MICAL2: variants seen among roughly 807,000 people sequenced by gnomAD.
MICAL2 encodes [F-actin]-monooxygenase MICAL2.
In MICAL2, 77 loss-of-function variants were observed where a neutral mutation model predicts 127.3. That is an observed-to-expected ratio of 0.60 (90% CI 0.50 to 0.73). The LOEUF is 0.73. MICAL2 is among the 30% of genes least tolerant of loss of function. The pLI is 0.00. For synonymous variants in MICAL2, 570 were observed against 551.1 expected, an observed-to-expected ratio of 1.03 and a Z score of -0.48; for missense variants, 1,351 against 1,434.4, an observed-to-expected ratio of 0.94 and a Z score of 0.94.
At chr11:12,175,121 T>TA (rs57068512) in intron 3 of MICAL2, among the ~76,000 whole-genome samples, 3,319 of 145,820 alleles carry the variant, frequency 0.023, 86 homozygotes, top group African/African-American at 0.059. Flanking sequence ...AGACTCTGCT[T>TA]AAAAAAAAAA....
intron 1 of MICAL2, among the ~76,000 whole-genome samples, chr11:12,280,603 G>T (rs1352850237): frequency 1.3e-5 from 2 of 152,200 alleles, no homozygotes; most frequent in African/African-American, 4.8e-5. Context: ...GTGCCTGTGT[G>T]TGTCCACATT....
chr11:12,220,607 A>T, intron 9 of MICAL2, 149 bp downstream of exon 9: 1 of 1,161,642 alleles, frequency 8.6e-7, no homozygotes. Context: ...CCGGCCTCAG[A>T]GCCTGTCCTG....
downstream of MICAL2, among the ~76,000 whole-genome samples, chr11:12,293,333 G>C (rs3812750): frequency 3.3e-5 from 5 of 152,014 alleles, no homozygotes; most frequent in Non-Finnish European, 7.4e-5. Context: ...AAAGCCTTTC[G>C]TCAGTACTGA....
intron 2 of MICAL2, among the ~76,000 whole-genome samples, chr11:12,145,937 C>T (rs1354473029): frequency 6.6e-6 from 1 of 152,162 alleles, no homozygotes; most frequent in African/African-American, 2.4e-5. Flanking sequence ...AACAAAGCTT[C>T]TGTAATTGTA....
intron 22 of MICAL2, among the ~76,000 whole-genome samples, chr11:12,250,735 TA>T (rs35461986): frequency 0.094 from 14,283 of 152,218 alleles, 934 homozygotes; most frequent in East Asian, 0.33. Context: ...TACTAGTTCT[TA>T]AAAAAACTAG....
chr11:12,124,223 A>G (rs1239737660), intron 1 of MICAL2, among the ~76,000 whole-genome samples: 1 of 152,064 alleles, frequency 6.6e-6, no homozygotes, highest in East Asian at 1.9e-4. Context: ...TGCCTTCCAC[A>G]GCGTCACCCA....
At chr11:12,278,062 C>T (rs1863739065) in intron 1 of MICAL2, among the ~76,000 whole-genome samples, 1 of 152,136 alleles carries the variant, frequency 6.6e-6, no homozygotes. Context: ...GCTCACAGGA[C>T]TGGAAGTTGC....
intron 26 of MICAL2, chr11:12,260,349 C>T (rs1489073995): frequency 7.2e-7 from 1 of 1,397,758 alleles, no homozygotes; most frequent in Non-Finnish European, 9.3e-7. Context: ...AACATCTACT[C>T]ACGGTGCTAG....
chr11:12,142,348 T>TG (rs1852430584), intron 2 of MICAL2, among the ~76,000 whole-genome samples: 1 of 152,216 alleles, frequency 6.6e-6, no homozygotes, highest in Admixed American at 6.5e-5. Flanking sequence ...TGATGTGTCT[T>TG]GGGGTGAAAG....
intron 2 of MICAL2, among the ~76,000 whole-genome samples, chr11:12,152,846 G>A (rs1450671356): frequency 6.6e-6 from 1 of 152,040 alleles, no homozygotes; most frequent in Non-Finnish European, 1.5e-5. Context: ...TAACTCAAAA[G>A]TATTTCAGAA....
At chr11:12,352,366 A>G (rs1436755537) in intron 33 of MICAL2, among the ~76,000 whole-genome samples, 1 of 152,258 alleles carries the variant, frequency 6.6e-6, no homozygotes, top group Non-Finnish European at 1.5e-5. Context: ...TAAGGGAAAC[A>G]CATAGGCACG....
Position 12,327,161 on chromosome 11 carries a change from C to T in MICAL2, c.5422-12C>T, listed in dbSNP as rs373199063. ...GAAAGTCCTTGTGTGACATCTGATC[C>T]TGGTGTTGCAGGCCATCCAGAGGCA... On this transcript the variant is annotated splice_polypyrimidine_tract_variant and intron_variant, in intron 31 of 34. Transcript: ENST00000646065. 2.6e-6 allele frequency: 4 copies of T among 1,550,876 alleles called. No individual in the cohort carries two copies. The African/African-American group carries it at 5.5e-5, about 21-fold the overall frequency.
downstream of MICAL2, among the ~76,000 whole-genome samples, chr11:12,291,749 G>A (rs1037184968): frequency 1.3e-5 from 2 of 152,234 alleles, no homozygotes; most frequent in African/African-American, 4.8e-5. Flanking sequence ...CATCTTGTGG[G>A]AAGAAAGCTC....
chr11:12,223,600 C>G, intron 12 of MICAL2, 99 bp downstream of exon 12: 1 of 1,033,650 alleles, frequency 9.7e-7, no homozygotes, highest in South Asian at 1.3e-5. Flanking sequence ...TGCAACCAGC[C>G]TGGCTCTGCC....
chr11:12,358,885 T>G (rs914333106), downstream of MICAL2: 1 of 153,486 alleles, frequency 6.5e-6, no homozygotes, highest in Admixed American at 6.5e-5. Context: ...CATATTTGCC[T>G]TTTTTGTATG....
chr11:12,261,581 T>A (rs1265523800), intron 26 of MICAL2: 5 of 985,382 alleles, frequency 5.1e-6, no homozygotes, highest in Non-Finnish European at 6.0e-6. Context: ...GATAGCTCTG[T>A]GGAGTTATCA....
chr11:12,228,279 G>A (rs1313397573), intron 15 of MICAL2, among the ~76,000 whole-genome samples: 8 of 152,128 alleles, frequency 5.3e-5, no homozygotes, highest in East Asian at 1.9e-4. Context: ...GCAGTGAGCC[G>A]AGATTGCACC....
chr11:12,255,407 G>C, intron 22 of MICAL2: 2 of 523,240 alleles, frequency 3.8e-6, no homozygotes, highest in South Asian at 4.3e-5. Context: ...CCACATATAA[G>C]TGGAATCCTA....
chr11:12,213,259 C>A lies in MICAL2; in HGVS notation c.696C>A (p.Phe232Leu), dbSNP rs1565174180. 6.2e-7 allele frequency: 1 copy of A among 1,610,890 alleles called. No individual in the cohort carries two copies. The highest frequency in any genetic ancestry group is 8.5e-7 in the Non-Finnish European group (1 of 1,178,506). ...TTTTCATTTCTCCTCATGCAGGGTT[C>A]AGAAGAAAAGAATTCCGTGGGAAGC... ...ADGRRNTLEG[F>L]RRKEFRGKLA... is the part of the protein sequence containing the mutation. The change falls in exon 7 of 28, where the codon TTC becomes TTA. Residue 232 changes from phenylalanine (F) to leucine (L), a missense_variant. This residue lies in a region of MICAL2 where 599 missense variants were observed against 714.9 expected (regional missense o/e 0.84). Coordinates refer to ENST00000683283, the MANE Select transcript of MICAL2 (RefSeq NM_001282663.2).
Sources: gnomAD v4.1 joint callset for allele counts (sites outside exome capture counted in the v4.1 genomes callset) on GRCh38, gnomAD v4.1.1 for gene constraint, gnomAD v4.1.1 regional missense constraint, MANE v1.5 for transcripts, NCBI Gene and HGNC (gene_info 2026-07-23, HGNC 2026-07-21) for gene names.